MDFIC2: variants seen among roughly 807,000 people sequenced by gnomAD.
MDFIC2 encodes MyoD family inhibitor domain containing 2, also known as myoD family inhibitor domain-containing protein 2.
At chr3:70,234,675 G>A (rs1323639626) in intron 2 of MDFIC2, among the ~76,000 whole-genome samples, 1 of 151,762 alleles carries the variant, frequency 6.6e-6, no homozygotes, top group East Asian at 1.9e-4. Context: ...GCTTAATAGA[G>A]CTATGGTCAC....
chr3:70,305,624 G>A (rs546680561), intron 2 of MDFIC2, among the ~76,000 whole-genome samples: 17 of 152,098 alleles, frequency 1.1e-4, no homozygotes, highest in East Asian at 1.9e-4. Context: ...TTTTCTCTGC[G>A]TTCAAGAGGA....
intron 2 of MDFIC2, among the ~76,000 whole-genome samples, chr3:70,285,685 G>A (rs1230739009): frequency 6.7e-6 from 1 of 150,112 alleles, no homozygotes; most frequent in Non-Finnish European, 1.5e-5. Context: ...CAGTGTAAAA[G>A]TGTTCCTATT....
At chr3:70,252,256 A>G (rs111233846) in intron 2 of MDFIC2, among the ~76,000 whole-genome samples, 76 of 152,202 alleles carry the variant, frequency 5.0e-4, no homozygotes, top group Non-Finnish European at 8.8e-5. Context: ...TATCCAATGT[A>G]TGACTTAGGC....
At chr3:70,251,723 C>T (rs913425839) in intron 2 of MDFIC2, among the ~76,000 whole-genome samples, 1 of 152,134 alleles carries the variant, frequency 6.6e-6, no homozygotes, top group African/African-American at 2.4e-5. Flanking sequence ...AACCTAATAC[C>T]ATACCTAAGT....
At chr3:70,283,688 T>G (rs1259944401) in intron 2 of MDFIC2, 2 of 151,632 alleles carry the variant, frequency 1.3e-5, no homozygotes. Context: ...TGGGTTTGGA[T>G]GACTGCATTT....
intron 2 of MDFIC2, among the ~76,000 whole-genome samples, chr3:70,259,594 A>G (rs1309735015): frequency 6.6e-6 from 1 of 152,050 alleles, no homozygotes; most frequent in Admixed American, 6.6e-5. Flanking sequence ...TACTCCTCCA[A>G]ATTCACTTTC....
chr3:70,250,026 G>A (rs549461054), intron 2 of MDFIC2, among the ~76,000 whole-genome samples: 17 of 152,266 alleles, frequency 1.1e-4, no homozygotes, highest in Admixed American at 3.9e-4. Flanking sequence ...TTCTGGCTTC[G>A]AGTTGTTTAT....
rs1406939801 is a variant in MDFIC2 at position 70,195,691 on chromosome 3, GC to G, written c.*1234del. On this transcript the variant is annotated 3_prime_UTR_variant, in exon 4 of 4. Transcript: ENST00000567252. The stretch of plus-strand genomic sequence containing the variant: ...CTTTGTTTGGTTACTCATGCATGAT[GC>G]TTTTTTATATTCAGTGAAAATATTA... 6.6e-6 allele frequency among the ~76,000 whole-genome samples: 1 copy of G among 152,116 alleles called. No individual in the cohort carries two copies. Among genetic ancestry groups the G allele is most frequent in the Non-Finnish European group, 1.5e-5 (1 of 68,012 alleles).
chr3:70,274,224 G>A (rs1238297911), intron 2 of MDFIC2, among the ~76,000 whole-genome samples: 2 of 151,978 alleles, frequency 1.3e-5, no homozygotes, highest in Admixed American at 1.3e-4. Context: ...AAAGACAATT[G>A]ATATGTTTTA....
rs138096178 is a variant in MDFIC2 at position 70,284,416 on chromosome 3, A to G, written c.88+27470T>C. Reference sequence around the variant, plus strand: ...AAACTTTCTAAAAACAAAAGCAAAAACAAAAAGAGAACCTCTCACTTTGAA... The same window carrying G: ...AAACTTTCTAAAAACAAAAGCAAAAGCAAAAAGAGAACCTCTCACTTTGAA... On this transcript the variant is annotated intron_variant, in intron 2 of 3. Coordinates refer to ENST00000567252, the MANE Select transcript of MDFIC2 (RefSeq NM_001364677.1). Among the ~76,000 whole-genome samples, 58 of 152,290 alleles carry G rather than the reference A, an allele frequency of 3.8e-4. No individual in the cohort carries two copies. The East Asian group carries it at 0.01, about 26-fold the overall frequency.
At chr3:70,275,293 C>A (rs1021273953) in intron 2 of MDFIC2, among the ~76,000 whole-genome samples, 1 of 152,062 alleles carries the variant, frequency 6.6e-6, no homozygotes, top group Admixed American at 6.6e-5. Context: ...CAGGCCGAGG[C>A]AGGAGGATCA....
rs969366855 is a variant in MDFIC2 at position 70,221,817 on chromosome 3, A to G, written c.89-15027T>C. ...AAGGTGGTCTTGCCATTTACAGGAC[A>G]TTGCTAAATTTTTTGGCTGGGGCAA... On this transcript the variant is annotated intron_variant, in intron 2 of 3. Transcript: ENST00000567252. Among the ~76,000 whole-genome samples the G allele has an allele frequency of 1.3e-4, 20 of 152,076 alleles. No homozygotes were observed. In the East Asian group the frequency reaches 2.0e-3, roughly 15 times the overall value.
At chr3:70,205,914 T>C (rs1451090485) in intron 3 of MDFIC2, 6 of 152,166 alleles carry the variant, frequency 3.9e-5, no homozygotes, top group Admixed American at 3.9e-4. Context: ...TAAGTAAAAT[T>C]CCATATCTTG....
intron 2 of MDFIC2, among the ~76,000 whole-genome samples, chr3:70,220,589 T>C (rs1344590675): frequency 6.6e-6 from 1 of 152,146 alleles, no homozygotes; most frequent in Non-Finnish European, 1.5e-5. Context: ...GTTGGAAACA[T>C]AGTCAGGACC....
intron 2 of MDFIC2, among the ~76,000 whole-genome samples, chr3:70,303,547 C>T (rs1318009073): frequency 6.6e-6 from 1 of 152,192 alleles, no homozygotes; most frequent in Non-Finnish European, 1.5e-5. Flanking sequence ...GCTACTCTTG[C>T]ATTTTCCAAT....
intron 2 of MDFIC2, among the ~76,000 whole-genome samples, chr3:70,225,593 A>G (rs1701496856): frequency 6.7e-6 from 1 of 149,458 alleles, no homozygotes; most frequent in Non-Finnish European, 1.5e-5. Context: ...TTTTCTCTGT[A>G]AAAGTGAAGA....
At chr3:70,261,622 C>A (rs1181963438) in intron 2 of MDFIC2, among the ~76,000 whole-genome samples, 1 of 152,178 alleles carries the variant, frequency 6.6e-6, no homozygotes, top group Non-Finnish European at 1.5e-5. Flanking sequence ...GCTTTCTTCA[C>A]TTTCAACAAT....
At chr3:70,214,852 G>A (rs550477247) in intron 2 of MDFIC2, among the ~76,000 whole-genome samples, 3 of 152,048 alleles carry the variant, frequency 2.0e-5, no homozygotes, top group South Asian at 4.2e-4. Flanking sequence ...TTTGTAAAAA[G>A]TGTCTCAAGA....
intron 2 of MDFIC2, among the ~76,000 whole-genome samples, chr3:70,287,033 A>C (rs1702172889): frequency 6.8e-6 from 1 of 147,526 alleles, no homozygotes; most frequent in Non-Finnish European, 1.5e-5. Context: ...TCTTTTCCTA[A>C]TTGAATACCC....
Sources: allele counts gnomAD v4.1 joint callset (sites outside exome capture counted in the v4.1 genomes callset), GRCh38; gene constraint gnomAD v4.1.1; transcripts MANE v1.5; gene names NCBI Gene and HGNC (gene_info 2026-07-23, HGNC 2026-07-21).